Variants in TPSB2 observed in about 807,000 individuals in gnomAD.
TPSB2 encodes tryptase beta-2.
Under a neutral mutation model 19.8 loss-of-function variants are expected in TPSB2, and 13 were observed. That is an observed-to-expected ratio of 0.66 (90% CI 0.43 to 1.04). TPSB2 has a LOEUF of 1.04. Ranked by LOEUF, TPSB2 falls within the 50% of genes least tolerant of loss-of-function variation. TPSB2 has a pLI of 0.00. For missense variants in TPSB2, 196 were observed against 259.9 expected (o/e 0.75, Z 1.69); for synonymous variants, 78 against 116.4 (o/e 0.67, Z 2.12).
In TPSB2 at chr16:1,228,386, A is replaced by G; in HGVS notation, c.*264T>C. On this transcript the variant is annotated 3_prime_UTR_variant, in exon 6 of 6. Transcript: ENST00000606293. ...CCAGCACTCAGGAGGATTAGCGCCC[A>G]CCACCAGCTGCCTGGGCAGGGGAGG... is the stretch of plus-strand genomic sequence containing the variant. 3 of 680,946 alleles carry G rather than the reference A, an allele frequency of 4.4e-6. No individual in the cohort carries two copies. Among genetic ancestry groups the G allele is most frequent in the Non-Finnish European group, 7.3e-6 (3 of 413,464 alleles). The allele number at this position is 680,946 out of a possible 1,614,324, so 42.2% of individuals were successfully genotyped here.
Position 1,228,659 on chromosome 16 carries a change from T to C in TPSB2, c.819A>G (p.Lys273=), listed in dbSNP as rs1300624419. The part of the protein sequence containing the change: ...YLDWIHHYVP[K]KP ...ACACCCCAGGCCTGACTCACGGCTT[T>C]TTGGGGACATAGTGGTGGATCCAGT... The change falls in exon 6 of 6, where the codon AAA becomes AAG. Residue 273 remains lysine, a synonymous_variant. Transcript: ENST00000606293. 6.2e-7 allele frequency: 1 copy of C among 1,602,762 alleles called. No individual in the cohort carries two copies. The highest frequency in any genetic ancestry group is 8.5e-7 in the Non-Finnish European group (1 of 1,176,512).
Position 1,229,104 on chromosome 16 carries a change from G to T in TPSB2, c.500-41C>A, listed in dbSNP as rs1431781769. The stretch of plus-strand genomic sequence containing the variant: ...AGGGTGCAGCCTCAGGAGGGGGCCG[G>T]GCAACCCCCACCTGGAGCCCAGAGG... On this transcript the variant is annotated intron_variant, in intron 4 of 5. Transcript: ENST00000606293. The T allele has an allele frequency of 1.1e-3, 387 of 341,880 alleles. 3 individuals carry two copies. The highest frequency in any genetic ancestry group is 2.3e-4 in the Non-Finnish European group (48 of 208,404). 21.2% of individuals were successfully genotyped at this position (341,880 alleles called of 1,614,324 possible). A position where few individuals can be genotyped will look rare whatever the true frequency, so the allele number is the denominator to read the frequency against.
chr16:1,229,774 C>T (rs2030343497), intron 2 of TPSB2, 37 bp from the exon 3 acceptor site: 1 of 1,525,464 alleles, frequency 6.6e-7, no homozygotes, highest in Admixed American at 2.1e-5. Context: ...GGAAGCAGCC[C>T]CAGGCCTGGG....
chr16:1,228,344 A>G lies in TPSB2; in HGVS notation c.*306T>C. The G allele has an allele frequency of 5.7e-6, 3 of 526,462 alleles. No individual in the cohort carries two copies. The highest frequency in any genetic ancestry group is 6.8e-6 in the Non-Finnish European group (2 of 295,636). The allele number at this position is 526,462 out of a possible 1,614,324, so 32.6% of individuals were successfully genotyped here. On this transcript the variant is annotated 3_prime_UTR_variant, in exon 6 of 6. Coordinates refer to ENST00000606293, the MANE Select transcript of TPSB2 (RefSeq NM_024164.6). Reference sequence around the variant, plus strand: ...ACAGCGATGCACACCAGTGATTTCCATGCACTTTAATGAGGTCCAGCACTC... The same window carrying G: ...ACAGCGATGCACACCAGTGATTTCCGTGCACTTTAATGAGGTCCAGCACTC...
Position 1,229,354 on chromosome 16 carries a change from C to G in TPSB2, c.336G>C (p.Gln112His). 5.8e-6 allele frequency: 4 copies of G among 689,962 alleles called. No homozygotes were observed. In the South Asian group the frequency reaches 8.1e-5, roughly 14 times the overall value. 42.7% of individuals were successfully genotyped at this position (689,962 alleles called of 1,614,324 possible). Residue 112 changes from glutamine (Q) to histidine (H), a missense_variant, in exon 4 of 6, where the codon CAG becomes CAC. Transcript: ENST00000606293. Reference sequence around the variant, plus strand: ...CCGCTCCGATCTGGGCGGTGTAGAACTGTGGGTGCACGATGATCCTGCTGA... The same window carrying G: ...CCGCTCCGATCTGGGCGGTGTAGAAGTGTGGGTGCACGATGATCCTGCTGA... The part of the protein sequence containing the change: ...LPVSRIIVHP[Q>H]FYTAQIGADI...
intron 3 of TPSB2, 33 bp from the exon 4 acceptor site, chr16:1,229,489 G>A: frequency 7.6e-7 from 1 of 1,313,702 alleles, no homozygotes. Flanking sequence ...CAGGGCCCTG[G>A]GCAGCCCCCA....
Position 1,228,385 on chromosome 16 carries a change from C to A in TPSB2, c.*265G>T, listed in dbSNP as rs1239959340. 8 of 672,636 alleles carry A rather than the reference C, an allele frequency of 1.2e-5. No individual in the cohort carries two copies. The highest frequency in any genetic ancestry group is 2.0e-5 in the Non-Finnish European group (8 of 405,998). The allele number at this position is 672,636 out of a possible 1,614,324, so 41.7% of individuals were successfully genotyped here. A position where few individuals can be genotyped will look rare whatever the true frequency, so the allele number is the denominator to read the frequency against. On this transcript the variant is annotated 3_prime_UTR_variant, in exon 6 of 6. Transcript: ENST00000606293. ...TCCAGCACTCAGGAGGATTAGCGCC[C>A]ACCACCAGCTGCCTGGGCAGGGGAG...
In TPSB2 at chr16:1,228,643, G is replaced by T; in HGVS notation, c.*7C>A. 5 of 1,602,538 alleles carry T rather than the reference G, an allele frequency of 3.1e-6. No homozygotes were observed. Among genetic ancestry groups the T allele is most frequent in the Non-Finnish European group, 4.3e-6 (5 of 1,176,280 alleles). On this transcript the variant is annotated 3_prime_UTR_variant, in exon 6 of 6. Coordinates refer to ENST00000606293, the MANE Select transcript of TPSB2 (RefSeq NM_024164.6). ...CCAGTGACCCAGGTGGACACCCCAG[G>T]CCTGACTCACGGCTTTTTGGGGACA...
rs1371707118 is a variant in TPSB2 at position 1,228,381 on chromosome 16, C to T, written c.*269G>A. On this transcript the variant is annotated 3_prime_UTR_variant, in exon 6 of 6. Transcript: ENST00000606293. ...GAGGTCCAGCACTCAGGAGGATTAG[C>T]GCCCACCACCAGCTGCCTGGGCAGG... 9 of 643,920 alleles carry T rather than the reference C, an allele frequency of 1.4e-5. No individual in the cohort carries two copies. Among genetic ancestry groups the T allele is most frequent in the East Asian group, 8.2e-5 (3 of 36,552 alleles). The allele number at this position is 643,920 out of a possible 1,614,324, so 39.9% of individuals were successfully genotyped here.
Position 1,229,025 on chromosome 16 carries a change from C to T in TPSB2, c.538G>A (p.Val180Ile). The change falls in exon 5 of 6, where the codon GTC becomes ATC. Residue 180 changes from valine to isoleucine, a missense_variant. Physicochemically the swap from Val to Ile is conservative, Grantham distance 29. This residue lies in a region of TPSB2 where 109 missense variants were observed against 110.2 expected (regional missense o/e 0.99). Coordinates refer to ENST00000606293, the MANE Select transcript of TPSB2 (RefSeq NM_024164.6). Reference sequence around the variant, plus strand: ...CAAATGTGGTTTTCCATTATGGGGACCTTCACCTGCTTCAGAGGAAATGGC... The same window carrying T: ...CAAATGTGGTTTTCCATTATGGGGATCTTCACCTGCTTCAGAGGAAATGGC... ...PPPFPLKQVK[V>I]PIMENHICDA... The T allele has an allele frequency of 2.3e-6, 1 of 436,814 alleles. No individual in the cohort carries two copies. The highest frequency in any genetic ancestry group is 3.6e-5 in the East Asian group (1 of 27,844). 27.1% of individuals were successfully genotyped at this position (436,814 alleles called of 1,614,324 possible).
rs1367469981 is a variant in TPSB2 at position 1,229,030 on chromosome 16, A to G, written c.533T>C (p.Val178Ala). 1 of 428,220 alleles carries G rather than the reference A, an allele frequency of 2.3e-6. No homozygotes were observed. Among genetic ancestry groups the G allele is most frequent in the Non-Finnish European group, 3.9e-6 (1 of 259,362 alleles). The allele number at this position is 428,220 out of a possible 1,614,324, so 26.5% of individuals were successfully genotyped here. A position where few individuals can be genotyped will look rare whatever the true frequency, so the allele number is the denominator to read the frequency against. ...GTGGTTTTCCATTATGGGGACCTTC[A>G]CCTGCTTCAGAGGAAATGGCGGTGG... ...RLPPPFPLKQ[V>A]KVPIMENHIC... Residue 178 changes from valine to alanine, a missense_variant, in exon 5 of 6, where the codon GTG becomes GCG. Val to Ala is a moderately conservative substitution (Grantham distance 64, BLOSUM62 0). Coordinates refer to ENST00000606293, the MANE Select transcript of TPSB2 (RefSeq NM_024164.6).
Sources: allele counts gnomAD v4.1 joint callset, GRCh38; gene constraint gnomAD v4.1.1; regional missense constraint gnomAD v4.1.1; transcripts MANE v1.5; gene names NCBI Gene and HGNC (gene_info 2026-07-23, HGNC 2026-07-21).